The following TPTE2 variants were observed in gnomAD, a reference collection of about 807,000 sequenced individuals.
TPTE2 encodes transmembrane phosphoinositide 3-phosphatase and tensin homolog 2.
In TPTE2, 53 loss-of-function variants were observed where a neutral mutation model predicts 78.6. The observed-to-expected ratio is 0.67, with a 90% CI of 0.54 to 0.85. The LOEUF (loss-of-function observed/expected upper bound fraction) is 0.85, where lower values mean the gene tolerates loss of function less well. Ranked by LOEUF, TPTE2 falls within the 40% of genes least tolerant of loss-of-function variation. TPTE2 has a pLI of 0.00. For synonymous variants in TPTE2, 175 were observed against 206.2 expected, an observed-to-expected ratio of 0.85 and a Z score of 1.30; for missense variants, 461 against 623.0, an observed-to-expected ratio of 0.74 and a Z score of 2.77.
rs188330143 is a variant in TPTE2, at chr13:19,474,387, A to G, written c.231-312T>C. 5.3e-5 allele frequency among the ~76,000 whole-genome samples: 8 copies of G among 152,352 alleles called. No individual in the cohort carries two copies. The East Asian group carries it at 1.5e-3, about 29-fold the overall frequency. On this transcript the variant is annotated intron_variant, in intron 5 of 19. Coordinates refer to ENST00000400230, the Ensembl canonical transcript of TPTE2. ...CAAGAGAGAAAAGCAAAACTGAATT[A>G]AAATCACCTGTGTCTGTTTACAAAC...
intron 13 of TPTE2, among the ~76,000 whole-genome samples, chr13:19,448,829 G>A (rs1478944892): frequency 2.6e-5 from 4 of 152,172 alleles, no homozygotes; most frequent in Non-Finnish European, 5.9e-5. Context: ...CAAAGGAAAT[G>A]AAATCTGCAC....
At chr13:19,438,671 TG>T (rs1877281437) in intron 13 of TPTE2, among the ~76,000 whole-genome samples, 1 of 152,192 alleles carries the variant, frequency 6.6e-6, no homozygotes, top group African/African-American at 2.4e-5. Context: ...GATGCAAGGA[TG>T]TTTTTTCCAA....
intron 10 of TPTE2, among the ~76,000 whole-genome samples, chr13:19,460,304 G>C (rs943407478): frequency 6.6e-6 from 1 of 152,216 alleles, no homozygotes. Context: ...TGGGAGTCGG[G>C]TTTCCTTTGG....
chr13:19,437,714 C>T (rs1332695414), intron 14 of TPTE2, among the ~76,000 whole-genome samples: 1 of 152,102 alleles, frequency 6.6e-6, no homozygotes, highest in Non-Finnish European at 1.5e-5. Context: ...CTCCCCTCAC[C>T]TTAATCCTGC....
intron 4 of TPTE2, among the ~76,000 whole-genome samples, chr13:19,479,912 G>A (rs1244643504): frequency 2.0e-5 from 3 of 151,030 alleles, no homozygotes; most frequent in African/African-American, 7.3e-5. Flanking sequence ...GCAGTGAGCT[G>A]AGTGGTGTCA....
intron 7 of TPTE2, 63 bp from the exon 11 acceptor site, chr13:19,465,627 T>A: frequency 7.4e-7 from 1 of 1,350,520 alleles, no homozygotes; most frequent in Non-Finnish European, 1.0e-6. Context: ...ATATAAACTA[T>A]GTCTAGAGCA....
chr13:19,539,736 T>C (rs1871384557), upstream of TPTE2, among the ~76,000 whole-genome samples: 1 of 152,256 alleles, frequency 6.6e-6, no homozygotes, highest in Non-Finnish European at 1.5e-5. Context: ...CTTAATAGCT[T>C]CCAAATTAGG....
intron 16 of TPTE2, among the ~76,000 whole-genome samples, chr13:19,431,795 A>G (rs931592839): frequency 7.2e-6 from 1 of 138,482 alleles, no homozygotes; most frequent in Non-Finnish European, 1.6e-5. Context: ...TGGCACCTAT[A>G]GCACCCAGCA....
At chr13:19,536,379 G>T (rs577742404) in intron 1 of TPTE2, among the ~76,000 whole-genome samples, 32 of 152,200 alleles carry the variant, frequency 2.1e-4, no homozygotes, top group African/African-American at 7.2e-4. Context: ...GAAAGCATGA[G>T]GAAATGACCA....
upstream of TPTE2, among the ~76,000 whole-genome samples, chr13:19,538,860 T>A (rs893751721): frequency 2.6e-5 from 4 of 152,158 alleles, no homozygotes; most frequent in Non-Finnish European, 5.9e-5. Context: ...AAATCATAAA[T>A]CCGACAGAAT....
At chr13:19,476,937 A>G (rs1002675727) in intron 4 of TPTE2, among the ~76,000 whole-genome samples, 1 of 152,214 alleles carries the variant, frequency 6.6e-6, no homozygotes, top group Non-Finnish European at 1.5e-5. Flanking sequence ...CACTATTTAC[A>G]ATAGCAAAGA....
chr13:19,430,562 T>C lies in TPTE2; in HGVS notation c.1223-15A>G, dbSNP rs1448607654. The C allele has an allele frequency of 6.3e-7, 1 of 1,597,316 alleles. No homozygotes were observed. The highest frequency in any genetic ancestry group is 8.5e-7 in the Non-Finnish European group (1 of 1,171,360). The stretch of plus-strand genomic sequence containing the variant: ...ACATACATCACCTGTTCCAACAAAA[T>C]GAAATTAAAAAGTTAGGTTGGTTAG... On this transcript the variant is annotated splice_polypyrimidine_tract_variant and intron_variant, in intron 16 of 19. Transcript: ENST00000400230.
intron 1 of TPTE2, among the ~76,000 whole-genome samples, chr13:19,528,604 T>C (rs1183247577): frequency 6.6e-6 from 1 of 152,188 alleles, no homozygotes; most frequent in Non-Finnish European, 1.5e-5. Flanking sequence ...ACCACTTTAC[T>C]CCCGTAGTAA....
intron 3 of TPTE2, among the ~76,000 whole-genome samples, chr13:19,482,761 G>T (rs938749237): frequency 7.9e-5 from 12 of 151,346 alleles, no homozygotes; most frequent in African/African-American, 2.4e-4. Flanking sequence ...ACTTAATTTT[G>T]CATATTTTTA....
chr13:19,487,280 A>AGGTG (rs1880719559), intron 3 of TPTE2, among the ~76,000 whole-genome samples: 1 of 151,734 alleles, frequency 6.6e-6, no homozygotes, highest in African/African-American at 2.4e-5. Flanking sequence ...TCTGAGACAC[A>AGGTG]GGTGCAAGGC....
At chr13:19,435,424 G>C (rs143165445) in intron 15 of TPTE2, among the ~76,000 whole-genome samples, 6,629 of 152,216 alleles carry the variant, frequency 0.044, 521 homozygotes, top group African/African-American at 0.15. Context: ...AGCAAGAGTG[G>C]AGAGTGGGGT....
At chr13:19,548,876 TG>T in the TPTE2 span, among the ~76,000 whole-genome samples, 97,705 of 150,824 alleles carry the variant, frequency 0.65, 34,075 homozygotes, top group East Asian at 0.88. Context: ...CCCAGCACTT[TG>T]GGAGGCCAAG....
the TPTE2 span, chr13:19,560,733 G>A: frequency 2.7e-6 from 4 of 1,471,254 alleles, no homozygotes; most frequent in Non-Finnish European, 2.8e-6. Flanking sequence ...GGCCTCCAGC[G>A]ACTGCCAGGG....
chr13:19,459,496 C>G (rs1030303560), intron 10 of TPTE2, among the ~76,000 whole-genome samples: 7 of 152,182 alleles, frequency 4.6e-5, no homozygotes, highest in Non-Finnish European at 7.3e-5. Context: ...AAGAAGCAGT[C>G]TGGCTGCTTT....
Sources: gnomAD v4.1 joint callset for allele counts (sites outside exome capture counted in the v4.1 genomes callset) on GRCh38, gnomAD v4.1.1 for gene constraint, MANE v1.5 for transcripts, NCBI Gene and HGNC (gene_info 2026-07-23, HGNC 2026-07-21) for gene names.